The following SPTBN5 variants were observed in gnomAD, a reference collection of about 807,000 sequenced individuals.
SPTBN5 encodes spectrin beta chain, non-erythrocytic 5.
A neutral mutation model predicts 477.6 loss-of-function variants in SPTBN5; 513 were observed. The observed-to-expected ratio is 1.07, with a 90% CI of 1.00 to 1.16. SPTBN5 has a LOEUF of 1.16. Ranked by LOEUF, SPTBN5 falls within the 50% of genes most tolerant of loss-of-function variation. SPTBN5 has a pLI of 0.00. For missense variants in SPTBN5, 5,062 were observed against 4,731.8 expected, an observed-to-expected ratio of 1.07 and a Z score of -2.05; for synonymous variants, 2,169 against 2,011.7, an observed-to-expected ratio of 1.08 and a Z score of -2.09.
At chr15:41,849,983 T>C (rs1273708394) in intron 66 of SPTBN5, 24 bp from the exon 67 acceptor site, 8 of 1,556,322 alleles carry the variant, frequency 5.1e-6, no homozygotes, top group Non-Finnish European at 7.0e-6. Flanking sequence ...GAATAACCAC[T>C]GTTAGCCCGG....
rs1454314471 is a variant in SPTBN5, at chr15:41,852,994, C to G, written c.10177G>C (p.Glu3393Gln). The G allele has an allele frequency of 2.0e-6, 3 of 1,536,352 alleles. No homozygotes were observed. Among genetic ancestry groups the G allele is most frequent in the Non-Finnish European group, 2.6e-6 (3 of 1,140,782 alleles). ...CGCCCTTCCAGCTCCTGCAGGCACT[C>G]TGTCACCTGGTGGGGAGGGGCTGCT... Reference protein sequence around the residue: ...NSHFMSAEVTECLQELEGRLQ... With the variant: ...NSHFMSAEVTQCLQELEGRLQ... The change falls in exon 60 of 68, where the codon GAG becomes CAG. Residue 3393 changes from glutamate (E) to glutamine (Q), a missense_variant. Transcript: ENST00000320955.
chr15:41,856,497 C>T lies in SPTBN5; in HGVS notation c.8910G>A (p.Val2970=). 3 of 1,598,426 alleles carry T rather than the reference C, an allele frequency of 1.9e-6. No homozygotes were observed. Among genetic ancestry groups the T allele is most frequent in the Non-Finnish European group, 2.6e-6 (3 of 1,173,808 alleles). The change falls in exon 53 of 68, where the codon GTG becomes GTA. Residue 2970 remains valine (V), a synonymous_variant. Coordinates refer to ENST00000320955, the MANE Select transcript of SPTBN5 (RefSeq NM_016642.4). ...VQAGHFAAHE[V]AARVQQLEKA... ...TCTCCAGCTGCTGCACCCGGGCGGC[C>T]ACCTCGTGGGCGGCAAAGTGCCCAG...
chr15:41,855,375 A>T lies in SPTBN5; in HGVS notation c.9272T>A (p.Leu3091Gln), dbSNP rs751471419. The change falls in exon 55 of 68, where the codon CTG (leucine) becomes CAG (glutamine). Residue 3091 changes from leucine to glutamine, a missense_variant. Transcript: ENST00000320955. ...GTGCCCCCTGGCCTCCGCCCTCCGC[A>T]GCAGCTCTGCGTGGGCCTCCCGAAC... The part of the protein sequence containing the change: ...QAVREAHAEL[L>Q]RRAEARGHGL... 4.4e-6 allele frequency: 7 copies of T among 1,605,030 alleles called. No individual in the cohort carries two copies. In the African/African-American group the frequency reaches 9.3e-5, roughly 21 times the overall value.
In SPTBN5 at chr15:41,893,318, G is replaced by C. The variant is rs780251495; in HGVS notation, c.180C>G (p.Phe60Leu). ...ARHMQMQEKT[F>L]TKWINNVFQC... is the part of the protein sequence containing the mutation. ...GGAAGACGTTATTGATCCACTTGGT[G>C]AAAGTCTTCTCCTGCATCTGCATGT... The change falls in exon 2 of 68, where the codon TTC becomes TTG. Residue 60 changes from phenylalanine (F) to leucine (L), a missense_variant. Coordinates refer to ENST00000320955, the MANE Select transcript of SPTBN5 (RefSeq NM_016642.4). 2 of 1,614,020 alleles carry C rather than the reference G, an allele frequency of 1.2e-6. No individual in the cohort carries two copies. Among genetic ancestry groups the C allele is most frequent in the South Asian group, 1.1e-5 (1 of 91,084 alleles).
rs748983352 is a variant in SPTBN5 at position 41,853,792 on chromosome 15, A to C, written c.9775-5T>G. Reference sequence around the variant, plus strand: ...CTCCATAGCTTCCAGCTCTCTCTGCAACCAGAGCATGAGATCAGGCCTCAG... The same window carrying C: ...CTCCATAGCTTCCAGCTCTCTCTGCCACCAGAGCATGAGATCAGGCCTCAG... On this transcript the variant is annotated splice_polypyrimidine_tract_variant and splice_region_variant and intron_variant, in intron 57 of 67. Coordinates refer to ENST00000320955, the MANE Select transcript of SPTBN5 (RefSeq NM_016642.4). 3.5e-5 allele frequency: 54 copies of C among 1,554,760 alleles called. No homozygotes were observed. Among genetic ancestry groups the C allele is most frequent in the Non-Finnish European group, 4.4e-5 (51 of 1,148,744 alleles).
intron 62 of SPTBN5, 35 bp downstream of exon 62, chr15:41,852,147 G>A (rs372152061): frequency 3.7e-4 from 571 of 1,546,476 alleles, no homozygotes; most frequent in Non-Finnish European, 4.5e-4. Context: ...GGGAGACCAC[G>A]GCGGGGGTGC....
In SPTBN5 at chr15:41,855,222, A is replaced by G; in HGVS notation, c.9423+2T>C. 1.9e-6 allele frequency: 3 copies of G among 1,606,422 alleles called. No homozygotes were observed. Among genetic ancestry groups the G allele is most frequent in the Non-Finnish European group, 2.6e-6 (3 of 1,175,166 alleles). ...CGTGAGGTTTGCTCAGGAGTAACTC[A>G]CCTTGACACCCTCCAGGTCCTGCCC... On this transcript the variant is annotated splice_donor_variant, in intron 55 of 67. Coordinates refer to ENST00000320955, the MANE Select transcript of SPTBN5 (RefSeq NM_016642.4). LOFTEE classifies it high-confidence loss of function.
chr15:41,855,695 G>A lies in SPTBN5; in HGVS notation c.9072C>T (p.Ser3024=), dbSNP rs56199567. The change falls in exon 54 of 68, where the codon AGC becomes AGT. Residue 3024 remains serine (S), a synonymous_variant. Coordinates refer to ENST00000320955, the MANE Select transcript of SPTBN5 (RefSeq NM_016642.4). ...CTTCAGCACTGTGGCCCATGTCCTC[G>A]CTGTCCAGGACATGGCCCCGCTCAG... ...WLAERGHVLD[S]EDMGHSAEAT... is the part of the protein sequence containing the mutation. The A allele has an allele frequency of 0.042, 67,104 of 1,600,792 alleles. 1,621 individuals carry two copies. Among genetic ancestry groups the A allele is most frequent in the Non-Finnish European group, 0.05 (59,196 of 1,175,942 alleles).
In SPTBN5 at chr15:41,883,381, C is replaced by T. The variant is rs753519914; in HGVS notation, c.1626G>A (p.Val542=). The change falls in exon 8 of 68, where the codon GTG becomes GTA. Residue 542 remains valine (V), a synonymous_variant. Transcript: ENST00000320955. ...MQAVLSLLQE[V]EAASHQLEEL... ...CCTCCAGCTGGTGGGAGGCAGCCTC[C>T]ACCTCCTGCAGCAGGCTCAGCACAG... The T allele has an allele frequency of 2.5e-6, 4 of 1,613,666 alleles. No individual in the cohort carries two copies. The highest frequency in any genetic ancestry group is 2.2e-5 in the East Asian group (1 of 44,898).
At chr15:41,876,377 T>C (rs1595490668) in intron 20 of SPTBN5, 93 bp from the exon 21 acceptor site, 2 of 1,445,376 alleles carry the variant, frequency 1.4e-6, no homozygotes, top group East Asian at 2.5e-5. Flanking sequence ...CCACAGCCCC[T>C]GTTTTCCTCC....
chr15:41,852,728 A>G lies in SPTBN5; in HGVS notation c.10355T>C (p.Val3452Ala). ...GTGCAGCAGCAACTCCACATCTGACACTGAGTGCTGGGGAGAAGCATGTTC... is the reference window on the plus strand; with the variant it reads ...GTGCAGCAGCAACTCCACATCTGACGCTGAGTGCTGGGGAGAAGCATGTTC... The part of the protein sequence containing the change: ...LLLKPDYGHS[V>A]SDVELLLHRH... The change falls in exon 61 of 68, where the codon GTG (valine) becomes GCG (alanine). Residue 3452 changes from valine (V) to alanine (A), a missense_variant. By Grantham distance (64) the Val-to-Ala change is moderately conservative (BLOSUM62 0). Coordinates refer to ENST00000320955, the MANE Select transcript of SPTBN5 (RefSeq NM_016642.4). 6.2e-7 allele frequency: 1 copy of G among 1,609,790 alleles called. No individual in the cohort carries two copies. The highest frequency in any genetic ancestry group is 1.7e-4 in the Middle Eastern group (1 of 6,024).
At position 41,856,464 on chromosome 15, in the gene SPTBN5, C is replaced by G; in HGVS notation, c.8943G>C (p.Met2981Ile). ...GCGCCGCCTCTGCCCGCAGGTGGGC[C>G]ATGGCCTTCTCCAGCTGCTGCACCC... ...AARVQQLEKA[M>I]AHLRAEAARR... Residue 2981 changes from methionine to isoleucine, a missense_variant, in exon 53 of 68, where the codon ATG becomes ATC. Transcript: ENST00000320955. 1.3e-6 allele frequency: 2 copies of G among 1,597,902 alleles called. No homozygotes were observed. The highest frequency in any genetic ancestry group is 1.7e-6 in the Non-Finnish European group (2 of 1,173,612).
intron 38 of SPTBN5, 58 bp from the exon 39 acceptor site, chr15:41,865,961 C>T: frequency 6.5e-7 from 1 of 1,545,676 alleles, no homozygotes; most frequent in Non-Finnish European, 8.7e-7. Context: ...GCTCCTGGCA[C>T]CTGCTGCTGG....
chr15:41,876,942 C>T lies in SPTBN5; in HGVS notation c.3718G>A (p.Val1240Met), dbSNP rs771767975. 138 of 1,606,792 alleles carry T rather than the reference C, an allele frequency of 8.6e-5. No individual in the cohort carries two copies. Among genetic ancestry groups the T allele is most frequent in the African/African-American group, 1.1e-4 (8 of 74,746 alleles). Residue 1240 changes from valine to methionine, a missense_variant, in exon 19 of 68, where the codon GTG becomes ATG. By Grantham distance (21) the Val-to-Met change is conservative (BLOSUM62 1). Coordinates refer to ENST00000320955, the MANE Select transcript of SPTBN5 (RefSeq NM_016642.4). ...WLHLDNLGED[V>M]REALSLLQQH... ...TGCAGCAGGCTCAGGGCCTCCCTCA[C>T]GTCCTCCTGGGAGTGCAGAGACCTG...
chr15:41,852,293 CTGCAG>C lies in SPTBN5; in HGVS notation c.10468_10472del (p.Leu3490AlafsTer32), dbSNP rs1175018212. On this transcript the variant is annotated frameshift_variant, in exon 62 of 68. Coordinates refer to ENST00000320955, the MANE Select transcript of SPTBN5 (RefSeq NM_016642.4). LOFTEE classifies it high-confidence loss of function. ...CTCTCCCGGGCTTCAGCTCCTGTGG[CTGCAG>C]CAGGAGCTCCTGTTCCATCTTGGGG... The C allele has an allele frequency of 3.1e-6, 5 of 1,596,040 alleles. 1 individual carries two copies. Among genetic ancestry groups the C allele is most frequent in the Non-Finnish European group, 4.3e-6 (5 of 1,171,310 alleles).
At chr15:41,892,194 C>T (rs766261964) in intron 3 of SPTBN5, among the ~76,000 whole-genome samples, 6 of 152,292 alleles carry the variant, frequency 3.9e-5, no homozygotes, top group Middle Eastern at 3.4e-3. Flanking sequence ...CAGTCAGGCT[C>T]CATCCAGCCA....
Position 41,871,856 on chromosome 15 carries a change from G to T in SPTBN5, c.5227C>A (p.Gln1743Lys), listed in dbSNP as rs1404104416. 3.8e-6 allele frequency: 6 copies of T among 1,587,876 alleles called. No individual in the cohort carries two copies. The highest frequency in any genetic ancestry group is 5.1e-6 in the Non-Finnish European group (6 of 1,167,722). ...HEFLREAEDL[Q>K]GWLASQKQAA... ...TGCTTCTGGCTTGCCAGCCAGCCCT[G>T]CAGGTCCTCAGCCTCCCTCAGGAAC... Residue 1743 changes from glutamine (Q) to lysine (K), a missense_variant, in exon 28 of 68, where the codon CAG (glutamine) becomes AAG (lysine). Gln to Lys is a moderately conservative substitution (Grantham distance 53, BLOSUM62 1). Transcript: ENST00000320955.
At chr15:41,850,383 A>G (rs561072958) in intron 66 of SPTBN5, 1 of 239,178 alleles carries the variant, frequency 4.2e-6, no homozygotes, top group African/African-American at 2.2e-5. Context: ...GAAAGTCCAA[A>G]GGGTTGTCTC....
At chr15:41,881,265 C>A in intron 12 of SPTBN5, 31 bp from the exon 13 acceptor site, 5 of 1,558,774 alleles carry the variant, frequency 3.2e-6, no homozygotes, top group Non-Finnish European at 4.3e-6. Context: ...CGTCTACAGG[C>A]GACCCCATCA....
Sources: allele counts gnomAD v4.1 joint callset (sites outside exome capture counted in the v4.1 genomes callset), GRCh38; gene constraint gnomAD v4.1.1; transcripts MANE v1.5; gene names NCBI Gene and HGNC (gene_info 2026-07-23, HGNC 2026-07-21).